Variants in BDP1 observed in about 807,000 individuals in gnomAD.
The protein encoded by BDP1 is transcription factor TFIIIB component B'' homolog.
In BDP1, 169 loss-of-function variants were observed where a neutral mutation model predicts 266.6. That is an observed-to-expected ratio of 0.63 (90% confidence interval 0.56 to 0.72). The LOEUF (loss-of-function observed/expected upper bound fraction) is 0.72, where lower values mean the gene tolerates loss of function less well. Among genes scored for constraint, BDP1 ranks in the 30% least tolerant of loss-of-function variants. The probability of loss-of-function intolerance (pLI) is 0.00; values close to 1 mark genes in which losing one functional copy is unlikely to be tolerated. For missense variants in BDP1, 3,015 were observed against 3,053.8 expected, an observed-to-expected ratio of 0.99 and a Z score of 0.30; for synonymous variants, 1,090 against 1,022.4, an observed-to-expected ratio of 1.07 and a Z score of -1.26.
In BDP1 at chr5:71,546,935, T is replaced by C. The variant is rs184341559; in HGVS notation, c.6744+1716T>C. Among the ~76,000 whole-genome samples the C allele has an allele frequency of 8.9e-4, 135 of 152,232 alleles. 3 individuals are homozygous for C. The East Asian group carries it at 0.021, about 23-fold the overall frequency. ...ATCTCAGCTCACTGCAACCTCTGCC[T>C]CCCAGGCTCAAGTGATTCTTGTGCC... On this transcript the variant is annotated intron_variant, in intron 32 of 38. Transcript: ENST00000358731.
chr5:71,511,265 C>T, intron 17 of BDP1, 114 bp downstream of exon 17: 1 of 1,060,136 alleles, frequency 9.4e-7, no homozygotes, highest in East Asian at 2.4e-5. Context: ...CTCTAAAAGT[C>T]TAAAGTCTTT....
At chr5:71,481,438 C>G (rs1027047227) in intron 7 of BDP1, among the ~76,000 whole-genome samples, 2 of 148,820 alleles carry the variant, frequency 1.3e-5, no homozygotes, top group African/African-American at 5.0e-5. Flanking sequence ...GGCACACGTC[C>G]CCTAGCAATT....
chr5:71,527,367 C>T (rs1765953434), intron 25 of BDP1, among the ~76,000 whole-genome samples: 1 of 152,172 alleles, frequency 6.6e-6, no homozygotes, highest in African/African-American at 2.4e-5. Context: ...GCCTTGCACC[C>T]CTGGCGAACT....
At chr5:71,475,899 G>GA (rs1762550094) in intron 7 of BDP1, 1 of 152,494 alleles carries the variant, frequency 6.6e-6, no homozygotes, top group Admixed American at 6.5e-5. Context: ...GTCAGTCTTT[G>GA]TGATTGTGTG....
intron 11 of BDP1, chr5:71,494,990 G>A: frequency 4.2e-6 from 1 of 240,590 alleles, no homozygotes; most frequent in Non-Finnish European, 7.8e-6. Context: ...GAGCCACCTT[G>A]TCCGGCCTTC....
Position 71,504,596 on chromosome 5 carries a change from T to C in BDP1, c.2242-25T>C, listed in dbSNP as rs371356291. 3 of 1,590,640 alleles carry C rather than the reference T, an allele frequency of 1.9e-6. No individual in the cohort carries two copies. In the African/African-American group the frequency reaches 4.1e-5, roughly 22 times the overall value. ...ATGCCTCATTGTGAAACCTAAAACA[T>C]TAGAAAAATTTGTTTGTTTTTAAGA... On this transcript the variant is annotated intron_variant, in intron 15 of 38. Coordinates refer to ENST00000358731, the MANE Select transcript of BDP1 (RefSeq NM_018429.3).
rs776032317 is a variant in BDP1 at position 71,566,009 on chromosome 5, T to G, written c.*1124T>G. 2.2e-5 allele frequency: 5 copies of G among 223,576 alleles called. No individual in the cohort carries two copies. The highest frequency in any genetic ancestry group is 1.2e-4 in the African/African-American group (5 of 42,856). The allele number at this position is 223,576 out of a possible 1,614,324, so 13.8% of individuals were successfully genotyped here. ...AGAAGGCATTAAATTTATGTTTGTC[T>G]CCTTTTTCTGTTTAATTTTAAAGAT... is the stretch of plus-strand genomic sequence containing the variant. On this transcript the variant is annotated 3_prime_UTR_variant, in exon 39 of 39. Coordinates refer to ENST00000358731, the MANE Select transcript of BDP1 (RefSeq NM_018429.3).
At position 71,562,318 on chromosome 5, in the gene BDP1, A is replaced by G; in HGVS notation, c.7541A>G (p.Lys2514Arg). The G allele has an allele frequency of 6.2e-7, 1 of 1,612,866 alleles. No homozygotes were observed. The change falls in exon 38 of 39, where the codon AAG becomes AGG. Residue 2514 changes from lysine to arginine, a missense_variant. Physicochemically the swap from Lys to Arg is conservative, Grantham distance 26. Transcript: ENST00000358731. ...GGATTTTTATCTTTAATATGCTCAAAGAATAGTTTGGAGTCTGATGAACCT... is the reference window on the plus strand; with the variant it reads ...GGATTTTTATCTTTAATATGCTCAAGGAATAGTTTGGAGTCTGATGAACCT... Reference protein sequence around the residue: ...PLGFLSLICSKNSLESDEPMQ... With the variant: ...PLGFLSLICSRNSLESDEPMQ...
chr5:71,534,217 C>CT (rs1436795861), intron 26 of BDP1, among the ~76,000 whole-genome samples: 6 of 152,104 alleles, frequency 3.9e-5, no homozygotes, highest in Admixed American at 3.9e-4. Context: ...ATGATTTTTG[C>CT]TTTTACGTTT....
intron 13 of BDP1, 145 bp from the exon 14 acceptor site, chr5:71,501,417 G>A (rs545833409): frequency 1.5e-4 from 80 of 543,924 alleles, no homozygotes; most frequent in African/African-American, 2.2e-4. Flanking sequence ...CAGGCAATCC[G>A]CCTGCCTTGG....
chr5:71,512,867 C>T (rs1185158531), intron 18 of BDP1, among the ~76,000 whole-genome samples: 3 of 151,682 alleles, frequency 2.0e-5, no homozygotes, highest in Admixed American at 6.6e-5. Context: ...CCAGCCTGGG[C>T]AACACGCTGT....
intron 15 of BDP1, among the ~76,000 whole-genome samples, chr5:71,503,675 A>G (rs538764739): frequency 6.6e-5 from 10 of 152,232 alleles, no homozygotes; most frequent in Admixed American, 1.3e-4. Context: ...TATAATTCCC[A>G]TGGTCTCTAG....
chr5:71,510,693 G>A lies in BDP1; in HGVS notation c.3601G>A (p.Glu1201Lys), dbSNP rs1178361924. ...TGCTGAGGTAATAGAGACAGATTTG[G>A]AAGAAACTGAAAGAGAAATATCGCC... ...DAAEVIETDL[E>K]ETEREISPQE... is the part of the protein sequence containing the mutation. The change falls in exon 17 of 39, where the codon GAA (glutamate) becomes AAA (lysine). Residue 1201 changes from glutamate to lysine, a missense_variant. Physicochemically the swap from Glu to Lys is moderately conservative, Grantham distance 56 (BLOSUM62 1). Transcript: ENST00000358731. 6.2e-7 allele frequency: 1 copy of A among 1,613,842 alleles called. No individual in the cohort carries two copies. Among genetic ancestry groups the A allele is most frequent in the East Asian group, 2.2e-5 (1 of 44,878 alleles).
Position 71,517,377 on chromosome 5 carries a change from A to C in BDP1, c.4916A>C (p.His1639Pro), listed in dbSNP as rs1253237282. 5 of 1,604,016 alleles carry C rather than the reference A, an allele frequency of 3.1e-6. No individual in the cohort carries two copies. Among genetic ancestry groups the C allele is most frequent in the South Asian group, 1.1e-5 (1 of 88,202 alleles). Residue 1639 changes from histidine (H) to proline (P), a missense_variant, in exon 22 of 39, where the codon CAC becomes CCC. By Grantham distance (77) the His-to-Pro change is moderately conservative. Transcript: ENST00000358731. Reference sequence around the variant, plus strand: ...GTTCCATCGTCCGCAGTTCCAGAACACAGAATGTATGAAAATCAAAGTCAG... The same window carrying C: ...GTTCCATCGTCCGCAGTTCCAGAACCCAGAATGTATGAAAATCAAAGTCAG... Reference protein sequence around the residue: ...IEVPSSAVPEHRMYENQSQVV... With the variant: ...IEVPSSAVPEPRMYENQSQVV...
intron 23 of BDP1, 127 bp downstream of exon 23, chr5:71,522,617 C>T (rs1765562525): frequency 8.6e-7 from 1 of 1,166,390 alleles, no homozygotes; most frequent in South Asian, 1.6e-5. Flanking sequence ...TGAAAAGTGA[C>T]TTTCTAGTGT....
At chr5:71,497,196 C>G in intron 12 of BDP1, 74 bp from the exon 13 acceptor site, 3 of 1,362,948 alleles carry the variant, frequency 2.2e-6, no homozygotes, top group Non-Finnish European at 3.1e-6. Context: ...TCCTAATTCT[C>G]AGTAGGTTAT....
intron 1 of BDP1, among the ~76,000 whole-genome samples, chr5:71,456,308 G>A (rs1359415947): frequency 1.3e-5 from 2 of 152,224 alleles, no homozygotes; most frequent in Non-Finnish European, 2.9e-5. Flanking sequence ...TCTCCGAGAG[G>A]AGACCATGTC....
At position 71,539,607 on chromosome 5, in the gene BDP1, G is replaced by A. The variant is rs922151270; in HGVS notation, c.5980G>A (p.Asp1994Asn). The change falls in exon 28 of 39, where the codon GAT becomes AAT. Residue 1994 changes from aspartate to asparagine, a missense_variant. Around this residue, in one of 3 missense-constraint regions of BDP1, gnomAD observed 2,383 missense variants for 2,404.9 expected, o/e 0.99. Coordinates refer to ENST00000358731, the MANE Select transcript of BDP1 (RefSeq NM_018429.3). ...EAAITLLTMG[D>N]LVLQSEISSE... ...TGCAATAACTTTACTTACAATGGGA[G>A]ATCTAGTATTGCAGTCAGAGATCAG... 5 of 1,612,276 alleles carry A rather than the reference G, an allele frequency of 3.1e-6. No homozygotes were observed. In the African/African-American group the frequency reaches 5.4e-5, roughly 17 times the overall value.
At chr5:71,460,406 TAGTGTCATGAAAATAGTAAGTGTCCAACC>T (rs1450058257) in intron 2 of BDP1, among the ~76,000 whole-genome samples, 1 of 152,072 alleles carries the variant, frequency 6.6e-6, no homozygotes, top group African/African-American at 2.4e-5. Context: ...ACAAAAAAAC[TAGTGTCATGAAAATAGTAAGTGTCCAACC>T]AGTGTCAGCT....
Sources: gnomAD v4.1 joint callset for allele counts (sites outside exome capture counted in the v4.1 genomes callset) on GRCh38, gnomAD v4.1.1 for gene constraint, gnomAD v4.1.1 regional missense constraint, MANE v1.5 for transcripts, NCBI Gene and HGNC (gene_info 2026-07-23, HGNC 2026-07-21) for gene names.